PTPRO: variants seen among roughly 807,000 people sequenced by gnomAD.
PTPRO encodes the protein receptor-type tyrosine-protein phosphatase O.
Under a neutral mutation model 145.2 loss-of-function variants are expected in PTPRO, and 62 were observed. That is an observed-to-expected ratio of 0.43 (90% CI 0.35 to 0.53). The LOEUF is 0.53. Ranked by LOEUF, PTPRO falls within the 20% of genes least tolerant of loss-of-function variation. The pLI, the probability that PTPRO is intolerant of heterozygous loss-of-function variation, is 0.01. For synonymous variants in PTPRO, 565 were observed against 514.7 expected, an observed-to-expected ratio of 1.10 and a Z score of -1.32; for missense variants, 1,345 against 1,482.7, an observed-to-expected ratio of 0.91 and a Z score of 1.53.
intron 5 of PTPRO, among the ~76,000 whole-genome samples, chr12:15,502,553 C>T (rs2300280): frequency 0.96 from 146,586 of 152,250 alleles, 70,626 homozygotes; most frequent in Middle Eastern, 1. Flanking sequence ...CTTTAGGGTG[C>T]GCCCCTCTAG....
At chr12:15,470,386 G>A (rs1020947966) in intron 1 of PTPRO, among the ~76,000 whole-genome samples, 3 of 152,150 alleles carry the variant, frequency 2.0e-5, no homozygotes, top group African/African-American at 7.2e-5. Flanking sequence ...TTAACGGAAT[G>A]TTCTGAGGAT....
intron 1 of PTPRO, among the ~76,000 whole-genome samples, chr12:15,465,681 G>C (rs1453019963): frequency 6.6e-6 from 1 of 152,162 alleles, no homozygotes; most frequent in Non-Finnish European, 1.5e-5. Context: ...AGCAGGGACA[G>C]GATATTTCAA....
intron 10 of PTPRO, among the ~76,000 whole-genome samples, chr12:15,524,331 T>C (rs1004272518): frequency 6.6e-6 from 1 of 152,202 alleles, no homozygotes; most frequent in Non-Finnish European, 1.5e-5. Flanking sequence ...TGTAGTACTA[T>C]GATCTTCTAT....
intron 1 of PTPRO, among the ~76,000 whole-genome samples, chr12:15,328,836 G>GA (rs1446266174): frequency 6.6e-6 from 1 of 152,052 alleles, no homozygotes; most frequent in Non-Finnish European, 1.5e-5. Flanking sequence ...CTATCTTAAT[G>GA]AAAATTTAAA....
At chr12:15,405,537 A>G (rs1461563024) in intron 1 of PTPRO, among the ~76,000 whole-genome samples, 1 of 152,188 alleles carries the variant, frequency 6.6e-6, no homozygotes, top group Non-Finnish European at 1.5e-5. Context: ...GGGAAAAGGC[A>G]TTATTTTCTA....
chr12:15,341,493 G>T lies in PTPRO; in HGVS notation c.75+18692G>T, dbSNP rs114964524. 7.2e-3 allele frequency among the ~76,000 whole-genome samples: 1,091 copies of T among 152,220 alleles called. 10 individuals carry two copies. Among genetic ancestry groups the T allele is most frequent in the African/African-American group, 0.024 (1,004 of 41,524 alleles). ...TTTCCAGCCATTTCTTGTCTTATCT[G>T]TCTAGAGTTGATCTGAATGAAATGA... On this transcript the variant is annotated intron_variant, in intron 1 of 26. Transcript: ENST00000281171.
At chr12:15,546,473 T>C (rs1439958164) in intron 12 of PTPRO, 96 bp from the exon 13 acceptor site, 4 of 1,537,414 alleles carry the variant, frequency 2.6e-6, no homozygotes, top group Non-Finnish European at 3.5e-6. Flanking sequence ...TACCTACCTA[T>C]ATTTGAATTG....
At chr12:15,538,096 G>A (rs914577015) in intron 12 of PTPRO, among the ~76,000 whole-genome samples, 17 of 152,098 alleles carry the variant, frequency 1.1e-4, no homozygotes, top group African/African-American at 3.6e-4. Context: ...CTCAGTGACA[G>A]CCATGCCACA....
chr12:15,546,145 T>G (rs187575409), intron 12 of PTPRO, among the ~76,000 whole-genome samples: 1 of 152,354 alleles, frequency 6.6e-6, no homozygotes, highest in East Asian at 1.9e-4. Flanking sequence ...GGTTGTTGGC[T>G]AAATACCAAA....
At chr12:15,378,791 A>G (rs1234266664) in intron 1 of PTPRO, among the ~76,000 whole-genome samples, 1 of 152,200 alleles carries the variant, frequency 6.6e-6, no homozygotes, top group South Asian at 2.1e-4. Flanking sequence ...CACAAATCAT[A>G]TATCTGAGAA....
chr12:15,516,346 A>AAAAGAAAAG (rs1481167640), intron 8 of PTPRO, among the ~76,000 whole-genome samples: 1 of 150,146 alleles, frequency 6.7e-6, no homozygotes, highest in Non-Finnish European at 1.5e-5. Flanking sequence ...CAAAAAAAAA[A>AAAAGAAAAG]AAAGAAAAGA....
At chr12:15,528,997 A>T (rs751730352) in intron 12 of PTPRO, among the ~76,000 whole-genome samples, 1 of 152,238 alleles carries the variant, frequency 6.6e-6, no homozygotes, top group Non-Finnish European at 1.5e-5. Flanking sequence ...GACCTGTCAT[A>T]CAAGAAATGC....
At chr12:15,402,050 G>A (rs1939509037) in intron 1 of PTPRO, among the ~76,000 whole-genome samples, 1 of 152,134 alleles carries the variant, frequency 6.6e-6, no homozygotes, top group African/African-American at 2.4e-5. Flanking sequence ...GGCATGAAAG[G>A]AGGCTTTGGG....
At chr12:15,591,069 C>A (rs73297736) in intron 25 of PTPRO, among the ~76,000 whole-genome samples, 7,093 of 152,164 alleles carry the variant, frequency 0.047, 526 homozygotes, top group African/African-American at 0.16. Context: ...ATACCTTTTA[C>A]AACTTCATAG....
chr12:15,569,325 C>T, intron 18 of PTPRO, 92 bp from the exon 19 acceptor site: 1 of 1,198,902 alleles, frequency 8.3e-7, no homozygotes, highest in Non-Finnish European at 1.2e-6. Context: ...CTATTTTCTC[C>T]AAGAAGATTA....
At chr12:15,567,055 G>A (rs1022036462) in intron 18 of PTPRO, among the ~76,000 whole-genome samples, 25 of 152,132 alleles carry the variant, frequency 1.6e-4, no homozygotes, top group Non-Finnish European at 3.1e-4. Context: ...GACTGTCAAG[G>A]CTTGCTCCTC....
intron 12 of PTPRO, among the ~76,000 whole-genome samples, chr12:15,527,875 A>ACCCCCCCCCCCCCCCCCCC (rs1555173370): frequency 1.5e-5 from 2 of 137,738 alleles, no homozygotes; most frequent in African/African-American, 5.6e-5. Context: ...GGGAACTGTG[A>ACCCCCCCCCCCCCCCCCCC]CCCGCCCACG....
At chr12:15,501,462 A>G (rs889321202) in intron 4 of PTPRO, among the ~76,000 whole-genome samples, 158 bp from the exon 5 acceptor site, 3 of 152,208 alleles carry the variant, frequency 2.0e-5, no homozygotes, top group African/African-American at 7.2e-5. Flanking sequence ...ATATGGAAAA[A>G]AACACAGCTT....
At chr12:15,384,208 G>A (rs1179938358) in intron 1 of PTPRO, among the ~76,000 whole-genome samples, 2 of 152,120 alleles carry the variant, frequency 1.3e-5, no homozygotes, top group African/African-American at 2.4e-5. Flanking sequence ...TTGGTTGGGG[G>A]CCAGGGAGCT....
Sources: allele counts gnomAD v4.1 joint callset (sites outside exome capture counted in the v4.1 genomes callset), GRCh38; gene constraint gnomAD v4.1.1; transcripts MANE v1.5; gene names NCBI Gene and HGNC (gene_info 2026-07-23, HGNC 2026-07-21).